FRMD4A: variants seen among roughly 807,000 people sequenced by gnomAD.
FRMD4A encodes the protein FERM domain containing 4A, also known as FERM domain-containing protein 4A.
In FRMD4A, 29 loss-of-function variants were observed where a neutral mutation model predicts 129.1. The observed-to-expected ratio is 0.22, with a 90% CI of 0.17 to 0.31. FRMD4A has a LOEUF of 0.31. Among genes scored for constraint, FRMD4A ranks in the 10% least tolerant of loss-of-function variants. FRMD4A has a pLI of 1.00. For missense variants in FRMD4A, 1,272 were observed against 1,375.8 expected (o/e 0.92, Z 1.19); for synonymous variants, 634 against 571.6 (o/e 1.11, Z -1.56).
At chr10:13,936,157 A>G (rs943115238) in intron 2 of FRMD4A, among the ~76,000 whole-genome samples, 9 of 152,234 alleles carry the variant, frequency 5.9e-5, no homozygotes, top group Admixed American at 2.6e-4. Context: ...ACAAGTAACC[A>G]TAAGACAGAT....
chr10:14,104,372 C>T (rs1198085260), intron 2 of FRMD4A, among the ~76,000 whole-genome samples: 1 of 151,660 alleles, frequency 6.6e-6, no homozygotes, highest in Non-Finnish European at 1.5e-5. Flanking sequence ...TGCTCACTTC[C>T]CTGCTCTAGA....
At chr10:13,666,486 C>G (rs2083046538) in intron 17 of FRMD4A, among the ~76,000 whole-genome samples, 161 bp from the exon 18 acceptor site, 1 of 152,158 alleles carries the variant, frequency 6.6e-6, no homozygotes, top group South Asian at 2.1e-4. Context: ...CCAGGCACAC[C>G]CACTGTTGTA....
In FRMD4A at chr10:13,657,330, G is replaced by C. The variant is rs771994569; in HGVS notation, c.2259C>G (p.His753Gln). 6.2e-7 allele frequency: 1 copy of C among 1,609,954 alleles called. No individual in the cohort carries two copies. The highest frequency in any genetic ancestry group is 8.5e-7 in the Non-Finnish European group (1 of 1,179,252). ...CCGGGTAGTAGTGCTCCGAGCTCGA[G>C]TGGCTGGTGCACGACGAGCAGTCGT... ...PMDDCSSCTS[H>Q]SSSEHYYPAQ... Residue 753 changes from histidine (H) to glutamine (Q), a missense_variant, in exon 22 of 25, where the codon CAC (histidine) becomes CAG (glutamine). Coordinates refer to ENST00000357447, the MANE Select transcript of FRMD4A (RefSeq NM_018027.5).
At chr10:13,810,488 T>A (rs766661712) in intron 4 of FRMD4A, among the ~76,000 whole-genome samples, 3 of 152,192 alleles carry the variant, frequency 2.0e-5, no homozygotes, top group African/African-American at 4.8e-5. Context: ...TTTCCAGAAG[T>A]TTTCATTTAA....
In FRMD4A at chr10:13,663,456, C is replaced by A. The variant is rs1452916378; in HGVS notation, c.1657G>T (p.Asp553Tyr). 6.6e-7 allele frequency: 1 copy of A among 1,504,788 alleles called. No homozygotes were observed. Among genetic ancestry groups the A allele is most frequent in the Non-Finnish European group, 9.3e-7 (1 of 1,080,086 alleles). 93.2% of individuals were successfully genotyped at this position (1,504,788 alleles called of 1,614,324 possible). A position where few individuals can be genotyped will look rare whatever the true frequency, so the allele number is the denominator to read the frequency against. The change falls in exon 19 of 25, where the codon GAT (aspartate) becomes TAT (tyrosine). Residue 553 changes from aspartate to tyrosine, a missense_variant. By Grantham distance (160) the Asp-to-Tyr change is radical. Transcript: ENST00000357447. ...AGCAGGAAATGCATAAACCTACCAT[C>A]CTCAAGAACAAGGGCATCTGAGAGG... ...SSLSDALVLE[D>Y]EDSQVTSTIS...
At chr10:13,843,774 C>T (rs982928798) in intron 3 of FRMD4A, among the ~76,000 whole-genome samples, 4 of 152,308 alleles carry the variant, frequency 2.6e-5, no homozygotes, top group African/African-American at 9.6e-5. Context: ...CTGGGAATTA[C>T]AGGCGTGAGC....
At chr10:14,152,881 C>T (rs1208938403) in intron 2 of FRMD4A, among the ~76,000 whole-genome samples, 5 of 152,122 alleles carry the variant, frequency 3.3e-5, no homozygotes, top group Non-Finnish European at 7.4e-5. Flanking sequence ...ACTCCTTCAG[C>T]TGGGAAGAGG....
chr10:13,656,902 A>G lies in FRMD4A; in HGVS notation c.2687T>C (p.Leu896Pro). 1 of 1,484,538 alleles carries G rather than the reference A, an allele frequency of 6.7e-7. No homozygotes were observed. The highest frequency in any genetic ancestry group is 2.4e-5 in the Admixed American group (1 of 42,122). The allele number at this position is 1,484,538 out of a possible 1,614,324, so 92.0% of individuals were successfully genotyped here. Reference protein sequence around the residue: ...GGGDEGDTGRLTPSRSQILRT... With the variant: ...GGGDEGDTGRPTPSRSQILRT... ...CAGGATCTGCGATCGCGACGGCGTC[A>G]GGCGGCCCGTGTCGCCCTCGTCGCC... is the stretch of plus-strand genomic sequence containing the variant. The change falls in exon 22 of 25, where the codon CTG becomes CCG. Residue 896 changes from leucine (L) to proline (P), a missense_variant. By Grantham distance (98) the Leu-to-Pro change is moderately conservative (BLOSUM62 -3). Coordinates refer to ENST00000357447, the MANE Select transcript of FRMD4A (RefSeq NM_018027.5).
chr10:14,100,170 G>C (rs2131773609), intron 2 of FRMD4A, among the ~76,000 whole-genome samples: 1 of 152,284 alleles, frequency 6.6e-6, no homozygotes, highest in South Asian at 2.1e-4. Flanking sequence ...TCGATTTCCA[G>C]TGTCTCGATT....
chr10:14,002,923 G>A (rs149648825), intron 2 of FRMD4A, among the ~76,000 whole-genome samples: 1 of 152,316 alleles, frequency 6.6e-6, no homozygotes, highest in Admixed American at 6.5e-5. Flanking sequence ...CAGCAAACAT[G>A]TCCACGCATG....
chr10:14,067,065 C>T (rs1835092783), intron 2 of FRMD4A, among the ~76,000 whole-genome samples: 1 of 152,116 alleles, frequency 6.6e-6, no homozygotes, highest in Admixed American at 6.5e-5. Context: ...CGCCTGTAAT[C>T]CCAGCACTTT....
intron 2 of FRMD4A, among the ~76,000 whole-genome samples, chr10:13,986,908 T>A (rs1038434411): frequency 5.3e-5 from 8 of 151,968 alleles, no homozygotes; most frequent in Non-Finnish European, 1.0e-4. Context: ...AGGGTTTCGG[T>A]CAGTGGTTCT....
intron 24 of FRMD4A, chr10:13,649,133 C>G (rs1367526746): frequency 6.6e-6 from 1 of 150,438 alleles, no homozygotes; most frequent in Non-Finnish European, 1.5e-5. Flanking sequence ...GTAGTTGACT[C>G]TCTTGTATGT....
chr10:13,738,777 C>T lies in FRMD4A; in HGVS notation c.673-847G>A, dbSNP rs186603804. Among the ~76,000 whole-genome samples, 801 of 152,250 alleles carry T rather than the reference C, an allele frequency of 5.3e-3. 2 individuals carry two copies. Among genetic ancestry groups the T allele is most frequent in the Non-Finnish European group, 8.0e-3 (541 of 68,032 alleles). On this transcript the variant is annotated intron_variant, in intron 11 of 24. Transcript: ENST00000357447. Reference sequence around the variant, plus strand: ...CTGGGATTACAGGCACGTGCCACCACGTCTGGCTAATTTTTGTATTTTTAG... The same window carrying T: ...CTGGGATTACAGGCACGTGCCACCATGTCTGGCTAATTTTTGTATTTTTAG...
chr10:13,744,428 A>G (rs1329689250), intron 9 of FRMD4A: 1 of 152,230 alleles, frequency 6.6e-6, no homozygotes, highest in Non-Finnish European at 1.5e-5. Context: ...TTCTTGCACC[A>G]TAACTCAGCA....
chr10:13,903,610 G>A (rs1234403224), intron 2 of FRMD4A, among the ~76,000 whole-genome samples: 3 of 151,656 alleles, frequency 2.0e-5, no homozygotes, highest in Non-Finnish European at 4.4e-5. Flanking sequence ...AGTGATGCAC[G>A]CCTGTAGTCC....
At chr10:13,799,515 G>A (rs116222040) in intron 4 of FRMD4A, among the ~76,000 whole-genome samples, 2,013 of 152,300 alleles carry the variant, frequency 0.013, 51 homozygotes, top group African/African-American at 0.046. Flanking sequence ...AGGAGAAAGT[G>A]TGCATGTCTG....
chr10:14,226,834 T>C (rs1261375892), intron 2 of FRMD4A, among the ~76,000 whole-genome samples: 1 of 152,152 alleles, frequency 6.6e-6, no homozygotes, highest in African/African-American at 2.4e-5. Flanking sequence ...CTTGCCTGTC[T>C]CCTGGTCCGC....
At chr10:14,181,691 C>CATTCACAAAAAAAAA (rs1841919597) in intron 2 of FRMD4A, among the ~76,000 whole-genome samples, 1 of 151,992 alleles carries the variant, frequency 6.6e-6, no homozygotes, top group Non-Finnish European at 1.5e-5. Context: ...AAATGATTAC[C>CATTCACAAAAAAAAA]ATGAATTTTT....
Sources: gnomAD v4.1 joint callset for allele counts (sites outside exome capture counted in the v4.1 genomes callset) on GRCh38, gnomAD v4.1.1 for gene constraint, MANE v1.5 for transcripts, NCBI Gene and HGNC (gene_info 2026-07-23, HGNC 2026-07-21) for gene names.